TENM3: variants seen among roughly 807,000 people sequenced by gnomAD.
TENM3 encodes the protein teneurin transmembrane protein 3, also known as teneurin-3.
A neutral mutation model predicts 255.1 loss-of-function variants in TENM3; 63 were observed. The observed-to-expected ratio is 0.25, with a 90% CI of 0.20 to 0.30. The LOEUF (loss-of-function observed/expected upper bound fraction) is 0.30. Among genes scored for constraint, TENM3 ranks in the 10% least tolerant of loss-of-function variants. The pLI is 1.00. For synonymous variants in TENM3, 1,306 were observed against 1,322.3 expected, an observed-to-expected ratio of 0.99 and a Z score of 0.27; for missense variants, 2,929 against 3,461.1, an observed-to-expected ratio of 0.85 and a Z score of 3.86.
the TENM3 span, among the ~76,000 whole-genome samples, chr4:181,782,526 C>G: frequency 1.3e-5 from 2 of 152,154 alleles, no homozygotes; most frequent in African/African-American, 4.8e-5. Flanking sequence ...CTTTATCAGT[C>G]TTGCTAGCAG....
Position 182,792,549 on chromosome 4 carries a change from T to G in TENM3, c.5877T>G (p.Ile1959Met), listed in dbSNP as rs372901666. 49 of 1,613,848 alleles carry G rather than the reference T, an allele frequency of 3.0e-5. No individual in the cohort carries two copies. Among genetic ancestry groups the G allele is most frequent in the Non-Finnish European group, 3.7e-5 (44 of 1,179,896 alleles). Reference protein sequence around the residue: ...KYRRQTRLSEILYDSTRVSFT... With the variant: ...KYRRQTRLSEMLYDSTRVSFT... ...GAAGGCAGACTAGGCTCTCAGAAAT[T>G]TTATATGATAGCACAAGAGTCAGTT... Residue 1959 changes from isoleucine to methionine, a missense_variant, in exon 26 of 28, where the codon ATT becomes ATG. Physicochemically the swap from Ile to Met is conservative, Grantham distance 10. Around this residue, in one of 6 missense-constraint regions of TENM3, gnomAD observed 303 missense variants for 425.2 expected, o/e 0.71. Coordinates refer to ENST00000511685, the MANE Select transcript of TENM3 (RefSeq NM_001080477.4). This position sits in a 1 kb window ranked among gnomAD's most constrained non-coding sequence, Gnocchi z 6.3.
chr4:182,602,256 A>C (rs555176317), intron 4 of TENM3, among the ~76,000 whole-genome samples: 9 of 152,316 alleles, frequency 5.9e-5, no homozygotes, highest in Admixed American at 1.3e-4. Context: ...GGTTTCCGTT[A>C]GGCTTGGAGA....
the TENM3 span, among the ~76,000 whole-genome samples, chr4:181,865,956 T>A: frequency 6.6e-6 from 1 of 152,206 alleles, no homozygotes; most frequent in Admixed American, 6.5e-5. Context: ...TATAAACCTG[T>A]ACAGAATACG....
At chr4:182,748,978 G>T (rs558147842) in intron 19 of TENM3, among the ~76,000 whole-genome samples, 83 of 152,262 alleles carry the variant, frequency 5.5e-4, no homozygotes, top group Non-Finnish European at 9.6e-4. Context: ...ACCACTTTGG[G>T]CATTCTCTCT....
chr4:181,675,728 C>T, the TENM3 span, among the ~76,000 whole-genome samples: 4 of 152,130 alleles, frequency 2.6e-5, no homozygotes, highest in Admixed American at 1.3e-4. Flanking sequence ...ATTGCTCTAC[C>T]GTTGCCGCAC....
intron 11 of TENM3, 36 bp from the exon 12 acceptor site, chr4:182,688,130 T>A (rs1756730896): frequency 6.6e-7 from 1 of 1,524,860 alleles, no homozygotes; most frequent in African/African-American, 1.4e-5. Context: ...CCCGCCACTC[T>A]TCTCTCCTGT....
At position 182,235,750 on chromosome 4, in the gene TENM3, A is replaced by G. The variant is rs576193867; in HGVS notation, c.-75-88196A>G. On this transcript the variant is annotated intron_variant, in intron 1 of 2. Transcript: ENST00000512480. Reference sequence around the variant, plus strand: ...GCAAACATGCTGAGCACTTGACCCAATGAGATACAAAAACCCTGGCGTTAG... The same window carrying G: ...GCAAACATGCTGAGCACTTGACCCAGTGAGATACAAAAACCCTGGCGTTAG... 3.3e-5 allele frequency among the ~76,000 whole-genome samples: 5 copies of G among 152,290 alleles called. No homozygotes were observed. The East Asian group carries it at 7.7e-4, about 24-fold the overall frequency.
At chr4:182,101,054 A>AAGGAACAG in the TENM3 span, among the ~76,000 whole-genome samples, 7 of 26,672 alleles carry the variant, frequency 2.6e-4, no homozygotes, top group Non-Finnish European at 4.8e-4. Context: ...CAAAAAAAGG[A>AAGGAACAG]AGGAAGGGAG....
chr4:182,073,181 G>A, the TENM3 span, among the ~76,000 whole-genome samples: 10 of 152,218 alleles, frequency 6.6e-5, no homozygotes, highest in African/African-American at 2.4e-4. Flanking sequence ...TCTTCACAAG[G>A]CAGCAGGAGA....
At chr4:181,710,588 G>A in the TENM3 span, among the ~76,000 whole-genome samples, 20 of 152,162 alleles carry the variant, frequency 1.3e-4, no homozygotes, top group South Asian at 2.7e-3. Context: ...GGTGGCAGGT[G>A]CCTGTAGTCC....
At chr4:182,021,773 C>T in the TENM3 span, among the ~76,000 whole-genome samples, 6 of 152,104 alleles carry the variant, frequency 3.9e-5, no homozygotes, top group Non-Finnish European at 5.9e-5. Flanking sequence ...AATGTAATAT[C>T]AAAGTGTAAA....
chr4:182,159,642 C>A (rs1287386518), intron 1 of TENM3, among the ~76,000 whole-genome samples: 4 of 152,152 alleles, frequency 2.6e-5, no homozygotes, highest in Non-Finnish European at 5.9e-5. Context: ...TTCTTAGCAG[C>A]ATGGATCCCT....
intron 6 of TENM3, among the ~76,000 whole-genome samples, chr4:182,663,909 G>A (rs889814561): frequency 6.6e-6 from 1 of 152,116 alleles, no homozygotes; most frequent in African/African-American, 2.4e-5. Flanking sequence ...TGTGTAGGAT[G>A]CCAAAAAAGA....
the TENM3 span, among the ~76,000 whole-genome samples, chr4:181,853,708 G>T: frequency 6.6e-6 from 1 of 152,174 alleles, no homozygotes; most frequent in Non-Finnish European, 1.5e-5. Context: ...AATCACAGTT[G>T]TTAAGAAATA....
At chr4:181,849,799 A>G in the TENM3 span, among the ~76,000 whole-genome samples, 3 of 152,122 alleles carry the variant, frequency 2.0e-5, no homozygotes, top group Admixed American at 1.3e-4. Flanking sequence ...TAATCTCTAT[A>G]GTTCTGCCAT....
chr4:181,664,313 T>C, the TENM3 span, among the ~76,000 whole-genome samples: 1 of 151,638 alleles, frequency 6.6e-6, no homozygotes, highest in African/African-American at 2.4e-5. Flanking sequence ...CCACAAAAAC[T>C]ATACAAATGA....
intron 1 of TENM3, among the ~76,000 whole-genome samples, chr4:182,217,340 T>C (rs1755553072): frequency 6.6e-6 from 1 of 152,050 alleles, no homozygotes; most frequent in Non-Finnish European, 1.5e-5. Flanking sequence ...CCATCGTTTC[T>C]ATTCATAACT....
chr4:181,556,861 G>A, the TENM3 span, among the ~76,000 whole-genome samples: 5 of 152,214 alleles, frequency 3.3e-5, no homozygotes, highest in African/African-American at 1.2e-4. Context: ...CATCTCAAGT[G>A]CATAGTATAC....
intron 12 of TENM3, among the ~76,000 whole-genome samples, chr4:182,701,095 TGGTTAA>T (rs1456341839): frequency 1.3e-5 from 2 of 151,878 alleles, no homozygotes; most frequent in Non-Finnish European, 2.9e-5. Context: ...AGAAAGCATG[TGGTTAA>T]ACATAAGCAA....
Sources: gnomAD v4.1 joint callset for allele counts (sites outside exome capture counted in the v4.1 genomes callset) on GRCh38, gnomAD v4.1.1 for gene constraint, gnomAD v4.1.1 regional missense constraint, Gnocchi (gnomAD v3.1) non-coding constraint, MANE v1.5 for transcripts, NCBI Gene and HGNC (gene_info 2026-07-23, HGNC 2026-07-21) for gene names.